The following C12orf42 variants were observed in gnomAD, a reference collection of about 807,000 sequenced individuals.
The protein encoded by C12orf42 is chromosome 12 open reading frame 42.
C12orf42 carries 25 observed loss-of-function variants against 21.6 expected under a neutral mutation model. The ratio of observed to expected loss-of-function variants is 1.16; its 90% confidence interval spans 0.84 to 1.62. The LOEUF (loss-of-function observed/expected upper bound fraction) is 1.62, where lower values mean the gene tolerates loss of function less well. Ranked by LOEUF, C12orf42 falls within the 40% of genes most tolerant of loss-of-function variation. The probability of loss-of-function intolerance (pLI) is 0.00; values close to 1 mark genes in which losing one functional copy is unlikely to be tolerated. For synonymous variants in C12orf42, 174 were observed against 175.0 expected, an observed-to-expected ratio of 0.99 and a Z score of 0.05; for missense variants, 483 against 459.3, an observed-to-expected ratio of 1.05 and a Z score of -0.47.
chr12:103,299,726 T>C (rs183592604), downstream of C12orf42, among the ~76,000 whole-genome samples: 1 of 152,370 alleles, frequency 6.6e-6, no homozygotes, highest in East Asian at 1.9e-4. Flanking sequence ...CTGTTTAATT[T>C]AGCACTGTTT....
At chr12:103,256,997 A>G (rs563328929) in intron 10 of C12orf42, among the ~76,000 whole-genome samples, 1 of 152,306 alleles carries the variant, frequency 6.6e-6, no homozygotes, top group African/African-American at 2.4e-5. Flanking sequence ...GGATAAAAAA[A>G]TGCAGTACAT....
chr12:103,202,654 T>C, the C12orf42 span, among the ~76,000 whole-genome samples: 13 of 152,336 alleles, frequency 8.5e-5, no homozygotes, highest in African/African-American at 2.9e-4. Context: ...TTTTCCTGAC[T>C]CCAATATAAG....
chr12:103,381,350 C>A (rs895977928), intron 3 of C12orf42, among the ~76,000 whole-genome samples: 1 of 152,166 alleles, frequency 6.6e-6, no homozygotes, highest in Non-Finnish European at 1.5e-5. Context: ...AGGATGCAAG[C>A]ACAGGGTGAA....
At chr12:103,343,262 T>C (rs900506565) in intron 4 of C12orf42, among the ~76,000 whole-genome samples, 2 of 152,220 alleles carry the variant, frequency 1.3e-5, no homozygotes, top group Non-Finnish European at 2.9e-5. Flanking sequence ...CAATTCCTTT[T>C]GATTAACTAC....
chr12:103,058,860 T>A, the C12orf42 span, among the ~76,000 whole-genome samples: 1 of 152,154 alleles, frequency 6.6e-6, no homozygotes, highest in African/African-American at 2.4e-5. Flanking sequence ...TAGCACTAAG[T>A]TCCCATATCA....
intron 4 of C12orf42, among the ~76,000 whole-genome samples, chr12:103,324,455 G>C (rs1030225573): frequency 6.6e-6 from 1 of 152,126 alleles, no homozygotes; most frequent in African/African-American, 2.4e-5. Flanking sequence ...AAACAAATTG[G>C]AAAGTATAGT....
chr12:103,377,607 C>T (rs1309978698), intron 3 of C12orf42, among the ~76,000 whole-genome samples: 1 of 152,146 alleles, frequency 6.6e-6, no homozygotes, highest in Non-Finnish European at 1.5e-5. Flanking sequence ...CATCCCCGAG[C>T]TGGGAGTCCT....
chr12:103,079,736 G>T, the C12orf42 span, among the ~76,000 whole-genome samples: 1 of 152,156 alleles, frequency 6.6e-6, no homozygotes, highest in East Asian at 1.9e-4. Context: ...AGGGACTCAG[G>T]CTGACAGAAG....
chr12:103,373,203 T>G (rs1448194506), intron 3 of C12orf42, among the ~76,000 whole-genome samples: 1 of 152,132 alleles, frequency 6.6e-6, no homozygotes, highest in Non-Finnish European at 1.5e-5. Flanking sequence ...GAACAGTAAA[T>G]ATTGATCTTC....
the C12orf42 span, among the ~76,000 whole-genome samples, chr12:103,529,410 A>G: frequency 6.6e-6 from 1 of 152,254 alleles, no homozygotes; most frequent in Non-Finnish European, 1.5e-5. Flanking sequence ...GCTCTGCATT[A>G]GAGCTTCTCA....
intron 1 of C12orf42, among the ~76,000 whole-genome samples, chr12:103,482,872 T>A (rs1181979570): frequency 6.6e-6 from 1 of 152,138 alleles, no homozygotes; most frequent in Non-Finnish European, 1.5e-5. Flanking sequence ...AAACTCTTCT[T>A]CAGGTTCTTC....
At chr12:103,180,461 G>T in the C12orf42 span, among the ~76,000 whole-genome samples, 1 of 152,026 alleles carries the variant, frequency 6.6e-6, no homozygotes, top group Non-Finnish European at 1.5e-5. Context: ...ATTTGCACTG[G>T]AGAAAAAGCC....
At chr12:103,313,982 G>C (rs2039216668) in intron 4 of C12orf42, among the ~76,000 whole-genome samples, 7 of 152,202 alleles carry the variant, frequency 4.6e-5, no homozygotes, top group Admixed American at 4.6e-4. Context: ...ATAAATAGTA[G>C]TGAGTGATAT....
the C12orf42 span, among the ~76,000 whole-genome samples, chr12:103,079,411 C>T: frequency 6.6e-6 from 1 of 152,132 alleles, no homozygotes; most frequent in African/African-American, 2.4e-5. Context: ...AAACAAGGAA[C>T]AACTGATGAT....
intron 2 of C12orf42, among the ~76,000 whole-genome samples, chr12:103,427,008 C>G (rs896259271): frequency 6.6e-6 from 1 of 152,036 alleles, no homozygotes; most frequent in African/African-American, 2.4e-5. Flanking sequence ...AAAAACATAC[C>G]AAACTGTAAA....
At chr12:103,461,677 A>G (rs1298433670) in intron 2 of C12orf42, among the ~76,000 whole-genome samples, 2 of 152,184 alleles carry the variant, frequency 1.3e-5, no homozygotes, top group East Asian at 1.9e-4. Context: ...GTGACCTGGA[A>G]TAAGTCACCT....
At chr12:103,113,191 T>G in the C12orf42 span, among the ~76,000 whole-genome samples, 2 of 152,152 alleles carry the variant, frequency 1.3e-5, no homozygotes, top group African/African-American at 4.8e-5. Flanking sequence ...TTGGGCACCC[T>G]TGTTCTAGCC....
At chr12:103,307,025 C>G (rs1429166779) in intron 4 of C12orf42, among the ~76,000 whole-genome samples, 2 of 152,144 alleles carry the variant, frequency 1.3e-5, no homozygotes, top group African/African-American at 2.4e-5. Context: ...AAGGAAGATC[C>G]TACCCTAGGG....
the C12orf42 span, among the ~76,000 whole-genome samples, chr12:103,227,732 CAG>C: frequency 6.6e-6 from 1 of 152,158 alleles, no homozygotes; most frequent in Non-Finnish European, 1.5e-5. Flanking sequence ...GGTGTATAAT[CAG>C]AGAGGCGTCC....
Sources: gnomAD v4.1 joint callset for allele counts (sites outside exome capture counted in the v4.1 genomes callset) on GRCh38, gnomAD v4.1.1 for gene constraint, MANE v1.5 for transcripts, NCBI Gene and HGNC (gene_info 2026-07-23, HGNC 2026-07-21) for gene names.